PPP2CB: variants seen among roughly 807,000 people sequenced by gnomAD.
PPP2CB encodes serine/threonine-protein phosphatase 2A catalytic subunit beta isoform.
PPP2CB carries 18 observed loss-of-function variants against 39.1 expected under a neutral mutation model. That is an observed-to-expected ratio of 0.46 (90% CI 0.32 to 0.68). The LOEUF (loss-of-function observed/expected upper bound fraction) is 0.68. Among genes scored for constraint, PPP2CB ranks in the 30% least tolerant of loss-of-function variants. The pLI is 0.04. For synonymous variants in PPP2CB, 129 were observed against 133.8 expected (o/e 0.96, Z 0.25); for missense variants, 226 against 396.9 (o/e 0.57, Z 3.66).
intron 1 of PPP2CB, 70 bp from the exon 2 acceptor site, chr8:30,799,825 G>T (rs1334302053): frequency 2.8e-5 from 40 of 1,426,834 alleles, no homozygotes; most frequent in Non-Finnish European, 3.5e-5. Flanking sequence ...AAGAAAATTT[G>T]GGGAAAAAAA....
At chr8:30,791,506 G>C in intron 5 of PPP2CB, 191 bp from the exon 6 acceptor site, 1 of 481,688 alleles carries the variant, frequency 2.1e-6, no homozygotes, top group Admixed American at 4.1e-5. Flanking sequence ...CGTGGGCCTA[G>C]GAGTCTGTTA....
At chr8:30,789,042 G>A (rs1004996357) in intron 6 of PPP2CB, among the ~76,000 whole-genome samples, 2 of 144,616 alleles carry the variant, frequency 1.4e-5, no homozygotes, top group African/African-American at 5.1e-5. Flanking sequence ...CTGCTCGGAT[G>A]TTTTTACTTT....
intron 3 of PPP2CB, among the ~76,000 whole-genome samples, chr8:30,796,549 C>T (rs555484604): frequency 1.2e-4 from 18 of 152,110 alleles, no homozygotes; most frequent in African/African-American, 2.4e-4. Context: ...ATGCCATCCC[C>T]GGCTAATTTT....
chr8:30,812,231 G>A (rs1050066754), intron 1 of PPP2CB, 89 bp downstream of exon 1: 1 of 992,598 alleles, frequency 1.0e-6, no homozygotes, highest in Non-Finnish European at 1.3e-6. Context: ...GGCCGCGCCG[G>A]GCCAGGGGCG....
At chr8:30,801,012 G>A (rs1806614604) in intron 1 of PPP2CB, among the ~76,000 whole-genome samples, 1 of 151,058 alleles carries the variant, frequency 6.6e-6, no homozygotes, top group Non-Finnish European at 1.5e-5. Flanking sequence ...TTTGAGACCA[G>A]GCTGGGCAAC....
chr8:30,791,654 T>C (rs1368773338), intron 5 of PPP2CB: 1 of 169,454 alleles, frequency 5.9e-6, no homozygotes, highest in East Asian at 1.7e-4. Context: ...TTTATATATT[T>C]TGAAGCTATT....
chr8:30,789,381 G>A (rs1806393730), intron 6 of PPP2CB, among the ~76,000 whole-genome samples: 1 of 152,108 alleles, frequency 6.6e-6, no homozygotes, highest in South Asian at 2.1e-4. Context: ...GGCTGTCTCT[G>A]GGTAGGCATA....
chr8:30,797,927 T>G (rs1375537393), intron 2 of PPP2CB, among the ~76,000 whole-genome samples, 173 bp from the exon 3 acceptor site: 1 of 152,220 alleles, frequency 6.6e-6, no homozygotes, highest in Admixed American at 6.5e-5. Flanking sequence ...GTCTTACTGG[T>G]TAACATTTGA....
chr8:30,786,301 T>C lies in PPP2CB; in HGVS notation c.864A>G (p.Gln288=), dbSNP rs372759358. ...LDDTLKYSFL[Q]FDPAPRRGEP... ...CACCACGACGAGGCGCTGGGTCAAA[T>C]TGAAGGCTGTAAATGGCAAAAAAGG... The change falls in exon 7 of 7, where the codon CAA becomes CAG. Residue 288 remains glutamine, a synonymous_variant. Coordinates refer to ENST00000221138, the MANE Select transcript of PPP2CB (RefSeq NM_001009552.2). The C allele has an allele frequency of 8.0e-5, 126 of 1,575,388 alleles. No individual in the cohort carries two copies. Among genetic ancestry groups the C allele is most frequent in the Middle Eastern group, 5.0e-4 (3 of 6,010 alleles).
chr8:30,796,472 T>C (rs932540293), intron 3 of PPP2CB, among the ~76,000 whole-genome samples: 1 of 152,150 alleles, frequency 6.6e-6, no homozygotes, highest in African/African-American at 2.4e-5. Flanking sequence ...CCTCTGTCTC[T>C]CTCAGGTTCA....
chr8:30,787,724 CATTT>C (rs1279054743), intron 6 of PPP2CB, among the ~76,000 whole-genome samples: 2 of 152,128 alleles, frequency 1.3e-5, no homozygotes, highest in African/African-American at 4.8e-5. Context: ...CTTTTTCACT[CATTT>C]ATTTATATTC....
chr8:30,790,184 A>C (rs761532467), intron 6 of PPP2CB, among the ~76,000 whole-genome samples: 81 of 152,206 alleles, frequency 5.3e-4, no homozygotes, highest in Admixed American at 1.6e-3. Flanking sequence ...TATTCAACTC[A>C]GTACAATCTA....
chr8:30,802,639 C>T (rs1806646397), intron 1 of PPP2CB, among the ~76,000 whole-genome samples: 1 of 152,184 alleles, frequency 6.6e-6, no homozygotes, highest in African/African-American at 2.4e-5. Flanking sequence ...GCCACCGTGA[C>T]TGGCCAATGC....
intron 2 of PPP2CB, among the ~76,000 whole-genome samples, chr8:30,798,099 T>C (rs1158588379): frequency 6.6e-6 from 1 of 152,196 alleles, no homozygotes; most frequent in East Asian, 1.9e-4. Flanking sequence ...TAGAACACTA[T>C]GACTTCTTAC....
At chr8:30,790,828 AATCCC>A (rs1806416703) in intron 6 of PPP2CB, among the ~76,000 whole-genome samples, 3 of 152,112 alleles carry the variant, frequency 2.0e-5, no homozygotes, top group Non-Finnish European at 4.4e-5. Flanking sequence ...GAAGAGGGGG[AATCCC>A]TTAGCCTCCT....
chr8:30,812,276 G>A (rs1806849030), intron 1 of PPP2CB, 44 bp downstream of exon 1: 2 of 1,407,684 alleles, frequency 1.4e-6, no homozygotes, highest in South Asian at 1.4e-5. Context: ...GCGGCGGCCC[G>A]TCCCAGCCCC....
intron 1 of PPP2CB, among the ~76,000 whole-genome samples, chr8:30,809,527 G>T (rs764574755): frequency 2.6e-5 from 4 of 152,118 alleles, no homozygotes; most frequent in Non-Finnish European, 5.9e-5. Context: ...AGAGTAGAGA[G>T]AAATGAGTAT....
chr8:30,792,495 G>A (rs532721471), intron 5 of PPP2CB, among the ~76,000 whole-genome samples: 4 of 152,140 alleles, frequency 2.6e-5, no homozygotes, highest in African/African-American at 9.6e-5. Flanking sequence ...CCAGGCTGGA[G>A]TGCAGCGGTA....
intron 1 of PPP2CB, among the ~76,000 whole-genome samples, chr8:30,808,516 A>C (rs1356733106): frequency 6.6e-6 from 1 of 152,224 alleles, no homozygotes; most frequent in Non-Finnish European, 1.5e-5. Flanking sequence ...AGGTATTTTT[A>C]AAAAACCCAA....
Sources: gnomAD v4.1 joint callset for allele counts (sites outside exome capture counted in the v4.1 genomes callset) on GRCh38, gnomAD v4.1.1 for gene constraint, MANE v1.5 for transcripts, NCBI Gene and HGNC (gene_info 2026-07-23, HGNC 2026-07-21) for gene names.